CCND1: variants seen among roughly 807,000 people sequenced by gnomAD.
CCND1 encodes cyclin D1, also known as G1/S-specific cyclin-D1.
A neutral mutation model predicts 26.1 loss-of-function variants in CCND1; 9 were observed. The ratio of observed to expected loss-of-function variants is 0.35; its 90% CI spans 0.21 to 0.60. CCND1 has a LOEUF of 0.60. Among genes scored for constraint, CCND1 ranks in the 20% least tolerant of loss-of-function variants. The pLI is 0.79. For synonymous variants in CCND1, 194 were observed against 166.1 expected (o/e 1.17, Z -1.29); for missense variants, 335 against 392.9 (o/e 0.85, Z 1.25).
chr11:69,651,062 GC>G (rs750477184), intron 4 of CCND1, 55 bp from the exon 5 acceptor site: 127 of 1,553,236 alleles, frequency 8.2e-5, no homozygotes, highest in Non-Finnish European at 1.1e-4. Context: ...GGCCCTCGCT[GC>G]AGGCCCCTTC....
In CCND1 at chr11:69,648,189, G is replaced by T. The variant is rs757978095; in HGVS notation, c.723+47G>T. The T allele has an allele frequency of 4.4e-6, 7 of 1,607,648 alleles. No individual in the cohort carries two copies. The Admixed American group carries it at 1.0e-4, about 23-fold the overall frequency. ...GGCAGCCTTGCCGGGGCTTACAGGG[G>T]GAGACACCTAGTGCCACGGAAATGC... On this transcript the variant is annotated intron_variant, in intron 4 of 4. Coordinates refer to ENST00000227507, the MANE Select transcript of CCND1 (RefSeq NM_053056.3).
chr11:69,643,175 G>C lies in CCND1; in HGVS notation c.343G>C (p.Glu115Gln), dbSNP rs2120089603. 1 of 1,608,596 alleles carries C rather than the reference G, an allele frequency of 6.2e-7. No individual in the cohort carries two copies. Among genetic ancestry groups the C allele is most frequent in the Non-Finnish European group, 8.5e-7 (1 of 1,177,796 alleles). The change falls in exon 2 of 5, where the codon GAG becomes CAG. Residue 115 changes from glutamate (E) to glutamine (Q), a missense_variant. Physicochemically the swap from Glu to Gln is conservative, Grantham distance 29. Transcript: ENST00000227507. ...CATGTTCGTGGCCTCTAAGATGAAGGAGACCATCCCCCTGACGGCCGAGAA... is the reference window on the plus strand; with the variant it reads ...CATGTTCGTGGCCTCTAAGATGAAGCAGACCATCCCCCTGACGGCCGAGAA... ...TCMFVASKMK[E>Q]TIPLTAEKLC...
chr11:69,643,614 G>C lies in CCND1; in HGVS notation c.415-218G>C, dbSNP rs1855740781. ...TGCAGAGTCTTTTCACGCGGCGGGC[G>C]CCTTTTCTGTTTTGATCTGGGATTG... On this transcript the variant is annotated intron_variant, in intron 2 of 4. Coordinates refer to ENST00000227507, the MANE Select transcript of CCND1 (RefSeq NM_053056.3). 5 of 486,102 alleles carry C rather than the reference G, an allele frequency of 1.0e-5. 1 individual carries two copies. In the South Asian group the frequency reaches 1.9e-4, roughly 19 times the overall value. The allele number at this position is 486,102 out of a possible 1,614,324, so 30.1% of individuals were successfully genotyped here. A position where few individuals can be genotyped will look rare whatever the true frequency, so the allele number is the denominator to read the frequency against.
chr11:69,649,620 G>A (rs372663665), intron 4 of CCND1, among the ~76,000 whole-genome samples: 5 of 152,350 alleles, frequency 3.3e-5, no homozygotes, highest in East Asian at 3.9e-4. Flanking sequence ...GACTTTTCGC[G>A]GAGGAGCGTG....
Position 69,653,523 on chromosome 11 carries a change from G to T in CCND1, c.*2241G>T. 3.6e-6 allele frequency: 2 copies of T among 559,808 alleles called. No homozygotes were observed. The highest frequency in any genetic ancestry group is 6.2e-6 in the Non-Finnish European group (2 of 320,500). The allele number at this position is 559,808 out of a possible 1,614,324, so 34.7% of individuals were successfully genotyped here. A position where few individuals can be genotyped will look rare whatever the true frequency, so the allele number is the denominator to read the frequency against. On this transcript the variant is annotated 3_prime_UTR_variant, in exon 5 of 5. Transcript: ENST00000227507. ...CCTCATGCTTCACTTAGCCATGGTG[G>T]ACCCAGCGGGCAGGTTCTGCCTGCT... is the stretch of plus-strand genomic sequence containing the variant.
Position 69,652,542 on chromosome 11 carries a change from A to T in CCND1, c.*1260A>T. The T allele has an allele frequency of 4.3e-6, 1 of 233,292 alleles. No homozygotes were observed. Among genetic ancestry groups the T allele is most frequent in the Non-Finnish European group, 8.5e-6 (1 of 118,052 alleles). The allele number at this position is 233,292 out of a possible 1,614,324, so 14.5% of individuals were successfully genotyped here. ...TAAGTTCCTTTCCTTTTCTTTAAAG[A>T]AGTTGAAGTTTAGGAATCCTTTGGT... On this transcript the variant is annotated 3_prime_UTR_variant, in exon 5 of 5. Transcript: ENST00000227507.
rs1275048704 is a variant in CCND1, at chr11:69,647,981, CCTT to C, written c.575-10_575-8del. 9 of 1,613,518 alleles carry C rather than the reference CCTT, an allele frequency of 5.6e-6. No homozygotes were observed. The highest frequency in any genetic ancestry group is 2.7e-5 in the African/African-American group (2 of 74,936). ...CTGCTCACAGCCTCCTTCCCTCTCT[CCTT>C]CTGCCTCAGATGTGAAGTTCATTTC... On this transcript the variant is annotated splice_polypyrimidine_tract_variant and intron_variant, in intron 3 of 4. Coordinates refer to ENST00000227507, the MANE Select transcript of CCND1 (RefSeq NM_053056.3).
At position 69,653,852 on chromosome 11, in the gene CCND1, G is replaced by GA. The variant is rs2120129337; in HGVS notation, c.*2572dup. On this transcript the variant is annotated 3_prime_UTR_variant, in exon 5 of 5. Coordinates refer to ENST00000227507, the MANE Select transcript of CCND1 (RefSeq NM_053056.3). ...GTAGGACTCTCATTCGGGATGATTG[G>GA]AATAGCTTCTGGAATTTGTTCAAGT... 1 of 367,578 alleles carries GA rather than the reference G, an allele frequency of 2.7e-6. No individual in the cohort carries two copies. Among genetic ancestry groups the GA allele is most frequent in the African/African-American group, 2.0e-5 (1 of 50,218 alleles). 22.8% of individuals were successfully genotyped at this position (367,578 alleles called of 1,614,324 possible).
At chr11:69,650,675 C>G (rs1328764786) in intron 4 of CCND1, among the ~76,000 whole-genome samples, 1 of 152,196 alleles carries the variant, frequency 6.6e-6, no homozygotes. Context: ...CATGGAAGGC[C>G]AGGTTCACCT....
rs532395365 is a variant in CCND1 at position 69,644,959 on chromosome 11, C to G, written c.574+968C>G. On this transcript the variant is annotated intron_variant, in intron 3 of 4. Coordinates refer to ENST00000227507, the MANE Select transcript of CCND1 (RefSeq NM_053056.3). ...CAAAGAGGCAGTAGCATCTTCTCCC[C>G]TCCCCAGAGGGCAGAGCCCCCCAAG... Among the ~76,000 whole-genome samples the G allele has an allele frequency of 2.0e-5, 3 of 152,324 alleles. No homozygotes were observed. The South Asian group carries it at 6.2e-4, about 32-fold the overall frequency.
chr11:69,641,602 C>A, intron 1 of CCND1, 91 bp downstream of exon 1: 1 of 1,236,944 alleles, frequency 8.1e-7, no homozygotes, highest in Non-Finnish European at 1.2e-6. Flanking sequence ...TCCCTTCTCT[C>A]CCGCTAGAAC....
Position 69,651,372 on chromosome 11 carries a change from A to G in CCND1, c.*90A>G. 8.1e-6 allele frequency: 9 copies of G among 1,109,646 alleles called. No homozygotes were observed. In the South Asian group the frequency reaches 8.7e-5, roughly 11 times the overall value. The allele number at this position is 1,109,646 out of a possible 1,614,324, so 68.7% of individuals were successfully genotyped here. On this transcript the variant is annotated 3_prime_UTR_variant, in exon 5 of 5. Coordinates refer to ENST00000227507, the MANE Select transcript of CCND1 (RefSeq NM_053056.3). ...CCTGACAGTCCCTCCTCTCCGGAGC[A>G]TTTTGATACCAGAAGGGAAAGCTTC...
chr11:69,644,409 C>T lies in CCND1; in HGVS notation c.574+418C>T, dbSNP rs577162512. 2.8e-3 allele frequency among the ~76,000 whole-genome samples: 432 copies of T among 152,340 alleles called. 4 individuals are homozygous for T. The highest frequency in any genetic ancestry group is 2.3e-3 in the South Asian group (11 of 4,834). ...CTGCAGAGGCCCCCTCCTGGCCTCT[C>T]CCAGGCTGGGCCACCTGCCAGAGGC... On this transcript the variant is annotated intron_variant, in intron 3 of 4. Transcript: ENST00000227507.
In CCND1 at chr11:69,653,852, G is replaced by T; in HGVS notation, c.*2570G>T. 1 of 367,578 alleles carries T rather than the reference G, an allele frequency of 2.7e-6. No homozygotes were observed. Among genetic ancestry groups the T allele is most frequent in the Non-Finnish European group, 4.9e-6 (1 of 203,700 alleles). The allele number at this position is 367,578 out of a possible 1,614,324, so 22.8% of individuals were successfully genotyped here. A position where few individuals can be genotyped will look rare whatever the true frequency, so the allele number is the denominator to read the frequency against. ...GTAGGACTCTCATTCGGGATGATTGGAATAGCTTCTGGAATTTGTTCAAGT... is the reference window on the plus strand; with the variant it reads ...GTAGGACTCTCATTCGGGATGATTGTAATAGCTTCTGGAATTTGTTCAAGT... On this transcript the variant is annotated 3_prime_UTR_variant, in exon 5 of 5. Coordinates refer to ENST00000227507, the MANE Select transcript of CCND1 (RefSeq NM_053056.3).
At position 69,643,197 on chromosome 11, in the gene CCND1, A is replaced by G. The variant is rs1373598994; in HGVS notation, c.365A>G (p.Glu122Gly). ...KMKETIPLTA[E>G]KLCIYTDNSI... is the part of the protein sequence containing the mutation. ...AAGGAGACCATCCCCCTGACGGCCG[A>G]GAAGCTGTGCATCTACACCGACAAC... Residue 122 changes from glutamate (E) to glycine (G), a missense_variant, in exon 2 of 5, where the codon GAG becomes GGG. Coordinates refer to ENST00000227507, the MANE Select transcript of CCND1 (RefSeq NM_053056.3). The G allele has an allele frequency of 6.2e-7, 1 of 1,604,564 alleles. No homozygotes were observed. Among genetic ancestry groups the G allele is most frequent in the East Asian group, 2.2e-5 (1 of 44,534 alleles).
At chr11:69,648,222 G>A (rs1317986849) in intron 4 of CCND1, 80 bp downstream of exon 4, 3 of 1,536,396 alleles carry the variant, frequency 2.0e-6, no homozygotes, top group Non-Finnish European at 2.7e-6. Context: ...TGCCGAGGCT[G>A]GTGCCAAGGC....
At position 69,653,805 on chromosome 11, in the gene CCND1, G is replaced by A. The variant is rs975789273; in HGVS notation, c.*2523G>A. The A allele has an allele frequency of 6.6e-6, 2 of 302,866 alleles. No homozygotes were observed. The highest frequency in any genetic ancestry group is 4.5e-5 in the Admixed American group (1 of 22,108). 18.8% of individuals were successfully genotyped at this position (302,866 alleles called of 1,614,324 possible). ...TATTATTATAACAAGTGTGTCTTAC[G>A]TGCCACCACGGCGTTGTACCTGTAG... On this transcript the variant is annotated 3_prime_UTR_variant, in exon 5 of 5. Transcript: ENST00000227507.
chr11:69,649,364 T>C (rs1474199454), intron 4 of CCND1, among the ~76,000 whole-genome samples: 1 of 152,186 alleles, frequency 6.6e-6, no homozygotes, highest in Non-Finnish European at 1.5e-5. Flanking sequence ...CTGGCCCTTA[T>C]TTGAGTAGAG....
chr11:69,641,794 CG>C (rs904902248), intron 1 of CCND1, among the ~76,000 whole-genome samples: 8 of 151,716 alleles, frequency 5.3e-5, no homozygotes, highest in African/African-American at 1.9e-4. Context: ...CCAATGGGCC[CG>C]AGGGTGCGGG....
Sources: allele counts gnomAD v4.1 joint callset (sites outside exome capture counted in the v4.1 genomes callset), GRCh38; gene constraint gnomAD v4.1.1; transcripts MANE v1.5; gene names NCBI Gene and HGNC (gene_info 2026-07-23, HGNC 2026-07-21).